The following INTS3 variants were observed in gnomAD, a reference collection of about 807,000 sequenced individuals.
INTS3 encodes integrator complex subunit 3.
A neutral mutation model predicts 146.3 loss-of-function variants in INTS3; 34 were observed. The observed-to-expected ratio is 0.23, with a 90% CI of 0.18 to 0.31. INTS3 has a LOEUF of 0.31. Ranked by LOEUF, INTS3 falls within the 10% of genes least tolerant of loss-of-function variation. The pLI is 1.00. For synonymous variants in INTS3, 475 were observed against 494.9 expected (o/e 0.96, Z 0.53); for missense variants, 757 against 1,304.2 (o/e 0.58, Z 6.46).
intron 11 of INTS3, 136 bp downstream of exon 11, chr1:153,759,749 C>T: frequency 1.5e-6 from 1 of 655,654 alleles, no homozygotes. Flanking sequence ...TGTTGTTCCT[C>T]ATCAGTTTTC....
At position 153,770,058 on chromosome 1, in the gene INTS3, GGTGTGTGTGTGTGTGTGTGT is replaced by G. The variant is rs55766761; in HGVS notation, c.2390-114_2390-95del. ...GGGGTGCTGGTAGTCAGTGGATTGG[GGTGTGTGTGTGTGTGTGTGT>G]GTGTGTGTGTGTGTGTGTGTGTGTG... On this transcript the variant is annotated intron_variant, in intron 23 of 29. Transcript: ENST00000318967. 838 of 444,188 alleles carry G rather than the reference GGTGTGTGTGTGTGTGTGTGT, an allele frequency of 1.9e-3. 1 individual carries two copies. Among genetic ancestry groups the G allele is most frequent in the Non-Finnish European group, 3.0e-3 (743 of 248,794 alleles). The allele number at this position is 444,188 out of a possible 1,614,324, so 27.5% of individuals were successfully genotyped here.
At position 153,772,973 on chromosome 1, in the gene INTS3, C is replaced by G; in HGVS notation, c.2943C>G (p.Thr981=). The change falls in exon 29 of 30, where the codon ACC becomes ACG. Residue 981 remains threonine, a synonymous_variant. Coordinates refer to ENST00000318967, the MANE Select transcript of INTS3 (RefSeq NM_023015.5). This position sits in a 1 kb window ranked among gnomAD's most constrained non-coding sequence, Gnocchi z 4.6. ...SLAEEYEDSS[T]KPPKSRRKAA... ...CGGAGGAATATGAGGACTCTTCCACCAAGCCACCCAAGAGCCGGCGAAAAG... is the reference window on the plus strand; with the variant it reads ...CGGAGGAATATGAGGACTCTTCCACGAAGCCACCCAAGAGCCGGCGAAAAG... 1 of 1,614,168 alleles carries G rather than the reference C, an allele frequency of 6.2e-7. No homozygotes were observed.
intron 9 of INTS3, among the ~76,000 whole-genome samples, chr1:153,756,287 C>T (rs991154417): frequency 4.7e-5 from 7 of 150,502 alleles, no homozygotes; most frequent in African/African-American, 7.3e-5. Context: ...TGAACCCAGA[C>T]GCAGGAGGCA....
rs1673079297 is a variant in INTS3 at position 153,774,797 on chromosome 1, G to GA, written c.*1527_*1528insA. The GA allele has an allele frequency of 3.0e-6, 1 of 337,780 alleles. No individual in the cohort carries two copies. Among genetic ancestry groups the GA allele is most frequent in the Admixed American group, 4.5e-5 (1 of 22,044 alleles). The allele number at this position is 337,780 out of a possible 1,614,324, so 20.9% of individuals were successfully genotyped here. ...GTTTCCTCTGTCCCAATTAAAACCAGGATGGAGAGCATTTGCTGGCTGGCC... is the reference window on the plus strand; with the variant it reads ...GTTTCCTCTGTCCCAATTAAAACCAGAGATGGAGAGCATTTGCTGGCTGGCC... On this transcript the variant is annotated 3_prime_UTR_variant, in exon 30 of 30. Coordinates refer to ENST00000318967, the MANE Select transcript of INTS3 (RefSeq NM_023015.5).
At chr1:153,763,699 G>A in intron 16 of INTS3, 133 bp from the exon 17 acceptor site, 2 of 807,338 alleles carry the variant, frequency 2.5e-6, no homozygotes, top group East Asian at 5.3e-5. Context: ...CCCCATCCAA[G>A]CTGGGATTTT....
rs768563313 is a variant in INTS3, at chr1:153,740,637, T to C, written c.151-14T>C. 1 of 1,608,970 alleles carries C rather than the reference T, an allele frequency of 6.2e-7. No homozygotes were observed. The highest frequency in any genetic ancestry group is 1.3e-5 in the African/African-American group (1 of 74,946). ...GTTATGACACACTGTTCATTTTTTC[T>C]CACCCCTTCCCAGAGATTGGAAAGG... On this transcript the variant is annotated splice_polypyrimidine_tract_variant and intron_variant, in intron 1 of 29. Transcript: ENST00000318967.
chr1:153,735,000 C>T (rs1671235593), intron 1 of INTS3, among the ~76,000 whole-genome samples: 1 of 152,176 alleles, frequency 6.6e-6, no homozygotes. Flanking sequence ...CAAGGTCTTG[C>T]TCTGTCACTC....
chr1:153,745,097 A>G (rs1035995860), intron 3 of INTS3, among the ~76,000 whole-genome samples: 120 of 151,096 alleles, frequency 7.9e-4, no homozygotes, highest in African/African-American at 2.7e-3. Context: ...TATATATATT[A>G]TTGTTGTTGA....
chr1:153,741,609 T>C (rs1273759547), intron 3 of INTS3, among the ~76,000 whole-genome samples: 2 of 152,230 alleles, frequency 1.3e-5, no homozygotes, highest in Admixed American at 1.3e-4. Context: ...AACAGAGTTT[T>C]AAATTTTAAA....
At chr1:153,767,882 G>A in intron 21 of INTS3, 55 bp downstream of exon 21, 1 of 1,522,786 alleles carries the variant, frequency 6.6e-7, no homozygotes, top group Non-Finnish European at 8.8e-7. Flanking sequence ...ACACCTCAGT[G>A]AACACTCTGA....
chr1:153,759,385 T>G, intron 10 of INTS3, 141 bp from the exon 11 acceptor site: 1 of 702,646 alleles, frequency 1.4e-6, no homozygotes, highest in South Asian at 1.6e-5. Context: ...ACAAGGGGGG[T>G]TAGCATTTCA....
At chr1:153,728,858 G>T (rs780172068) in intron 1 of INTS3, 74 bp downstream of exon 1, 1 of 485,696 alleles carries the variant, frequency 2.1e-6, no homozygotes, top group Non-Finnish European at 3.5e-6. Flanking sequence ...CCGGGTGGGA[G>T]GACGGGGGGT....
chr1:153,735,857 G>C (rs1671263246), intron 1 of INTS3, among the ~76,000 whole-genome samples: 1 of 152,062 alleles, frequency 6.6e-6, no homozygotes, highest in African/African-American at 2.4e-5. Context: ...CAAGTACCTG[G>C]GACTACAGGT....
At chr1:153,732,700 G>A (rs889932693) in intron 1 of INTS3, among the ~76,000 whole-genome samples, 6 of 152,036 alleles carry the variant, frequency 3.9e-5, no homozygotes, top group African/African-American at 9.6e-5. Context: ...CACCTGCCTC[G>A]GCCTCCGAAA....
rs991491391 is a variant in INTS3, at chr1:153,764,754, A to G, written c.1970+20A>G. The G allele has an allele frequency of 1.9e-5, 30 of 1,595,464 alleles. No individual in the cohort carries two copies. The highest frequency in any genetic ancestry group is 2.6e-5 in the Non-Finnish European group (30 of 1,163,266). Reference sequence around the variant, plus strand: ...ATTTAGGTAAGCACGCAGCTATAGGAGATACTGTTCTACCCTCCATCCTCC... The same window carrying G: ...ATTTAGGTAAGCACGCAGCTATAGGGGATACTGTTCTACCCTCCATCCTCC... On this transcript the variant is annotated intron_variant, in intron 19 of 29. Transcript: ENST00000318967.
At position 153,757,492 on chromosome 1, in the gene INTS3, G is replaced by A. The variant is rs914934603; in HGVS notation, c.958-80G>A. On this transcript the variant is annotated intron_variant, in intron 9 of 29. Coordinates refer to ENST00000318967, the MANE Select transcript of INTS3 (RefSeq NM_023015.5). This position sits in a 1 kb window ranked among gnomAD's most constrained non-coding sequence, Gnocchi z 4.0. Reference sequence around the variant, plus strand: ...AATAGAGGTCTAGGGCAAACCTAGAGTTAAGTGGTGCTCGTTTTCCTCTGG... The same window carrying A: ...AATAGAGGTCTAGGGCAAACCTAGAATTAAGTGGTGCTCGTTTTCCTCTGG... 1.0e-5 allele frequency: 13 copies of A among 1,262,480 alleles called. No individual in the cohort carries two copies. In the Admixed American group the frequency reaches 2.4e-4, roughly 23 times the overall value. The allele number at this position is 1,262,480 out of a possible 1,614,324, so 78.2% of individuals were successfully genotyped here. A position where few individuals can be genotyped will look rare whatever the true frequency, so the allele number is the denominator to read the frequency against.
rs1002578405 is a variant in INTS3 at position 153,772,057 on chromosome 1, G to T, written c.2720+94G>T. On this transcript the variant is annotated intron_variant, in intron 26 of 29. Coordinates refer to ENST00000318967, the MANE Select transcript of INTS3 (RefSeq NM_023015.5). The surrounding 1 kb of genome is among the most constrained non-coding windows in gnomAD (Gnocchi z 4.6). ...TGGTGGTGGTGGTGGTGGTGATGGG[G>T]GTCAGTGCTGTCCCAGCCTGGTTTG... The T allele has an allele frequency of 7.6e-7, 1 of 1,316,660 alleles. No individual in the cohort carries two copies. Among genetic ancestry groups the T allele is most frequent in the Non-Finnish European group, 1.0e-6 (1 of 960,216 alleles). The allele number at this position is 1,316,660 out of a possible 1,614,324, so 81.6% of individuals were successfully genotyped here.
chr1:153,766,714 G>A (rs561880266), intron 20 of INTS3: 1 of 134,022 alleles, frequency 7.5e-6, no homozygotes, highest in Non-Finnish European at 1.5e-5. Flanking sequence ...TTTTGAGGCA[G>A]AGTCTCGCTC....
intron 1 of INTS3, among the ~76,000 whole-genome samples, chr1:153,738,830 A>T (rs530733741): frequency 1.3e-5 from 2 of 151,414 alleles, no homozygotes; most frequent in Non-Finnish European, 2.9e-5. Context: ...TTTATTATGT[A>T]TGTATCTATC....
Sources: allele counts gnomAD v4.1 joint callset (sites outside exome capture counted in the v4.1 genomes callset), GRCh38; gene constraint gnomAD v4.1.1; non-coding constraint Gnocchi (gnomAD v3.1); transcripts MANE v1.5; gene names NCBI Gene and HGNC (gene_info 2026-07-23, HGNC 2026-07-21).